The following ZNF804B variants were observed in gnomAD, a reference collection of about 807,000 sequenced individuals.
The protein encoded by ZNF804B is zinc finger 804B.
ZNF804B carries 80 observed loss-of-function variants against 101.4 expected under a neutral mutation model. The ratio of observed to expected loss-of-function variants is 0.79; its 90% CI spans 0.66 to 0.95. The LOEUF is 0.95. Among genes scored for constraint, ZNF804B ranks in the 40% least tolerant of loss-of-function variants. ZNF804B has a pLI of 0.00. For synonymous variants in ZNF804B, 622 were observed against 558.8 expected (o/e 1.11, Z -1.59); for missense variants, 1,673 against 1,561.9 (o/e 1.07, Z -1.20).
intron 1 of ZNF804B, among the ~76,000 whole-genome samples, chr7:88,876,998 GA>G (rs1161171786): frequency 0.026 from 1,415 of 53,864 alleles, 83 homozygotes; most frequent in African/African-American, 0.11. Context: ...GAGAATATTT[GA>G]AAAAAAAAAT....
Position 89,271,072 on chromosome 7 carries a change from T to C in ZNF804B, c.249+52777T>C, listed in dbSNP as rs1186830260. On this transcript the variant is annotated intron_variant, in intron 2 of 3. Coordinates refer to ENST00000333190, the MANE Select transcript of ZNF804B (RefSeq NM_181646.5). ...ATACCCTTTATTTCTTTCTCCTGCC[T>C]GATTGTCCTGGCTAGAACTTCCAAC... 2.6e-5 allele frequency among the ~76,000 whole-genome samples: 4 copies of C among 152,310 alleles called. No homozygotes were observed. The East Asian group carries it at 7.7e-4, about 29-fold the overall frequency.
intron 1 of ZNF804B, among the ~76,000 whole-genome samples, chr7:88,813,521 GT>G (rs1790825580): frequency 6.6e-6 from 1 of 151,636 alleles, no homozygotes; most frequent in Non-Finnish European, 1.5e-5. Flanking sequence ...GTAGACTAAG[GT>G]TTCTTACTGT....
At chr7:89,164,144 C>A (rs1252862557) in intron 1 of ZNF804B, among the ~76,000 whole-genome samples, 1 of 151,742 alleles carries the variant, frequency 6.6e-6, no homozygotes, top group Admixed American at 6.6e-5. Context: ...ACTACATATT[C>A]TACTATAGAA....
intron 1 of ZNF804B, among the ~76,000 whole-genome samples, chr7:88,922,528 T>G (rs918695537): frequency 6.6e-6 from 1 of 152,018 alleles, no homozygotes; most frequent in African/African-American, 2.4e-5. Flanking sequence ...TTAAAGGATA[T>G]TTATGTACTA....
At chr7:88,917,195 G>A (rs1792644864) in intron 1 of ZNF804B, among the ~76,000 whole-genome samples, 1 of 152,010 alleles carries the variant, frequency 6.6e-6, no homozygotes, top group African/African-American at 2.4e-5. Flanking sequence ...AACCCAGGAG[G>A]CGGAGGTTGC....
intron 1 of ZNF804B, among the ~76,000 whole-genome samples, chr7:89,037,678 A>G (rs1179470597): frequency 6.6e-6 from 1 of 151,584 alleles, no homozygotes; most frequent in Non-Finnish European, 1.5e-5. Flanking sequence ...TTTAAGTTCT[A>G]CTCTCTTTGT....
At chr7:89,271,942 T>C (rs2115841196) in intron 2 of ZNF804B, among the ~76,000 whole-genome samples, 1 of 152,210 alleles carries the variant, frequency 6.6e-6, no homozygotes, top group East Asian at 1.9e-4. Context: ...TGATTTATTT[T>C]TCTACATGAA....
At chr7:89,054,290 T>A (rs2188247) in intron 1 of ZNF804B, among the ~76,000 whole-genome samples, 17,334 of 147,710 alleles carry the variant, frequency 0.12, 1,474 homozygotes, top group East Asian at 0.28. Context: ...TACTTATATA[T>A]AATATAAATA....
At chr7:89,062,398 A>G (rs755880008) in intron 1 of ZNF804B, among the ~76,000 whole-genome samples, 3 of 151,968 alleles carry the variant, frequency 2.0e-5, no homozygotes, top group Non-Finnish European at 4.4e-5. Context: ...AGCAATATTG[A>G]CCTGACTTCT....
chr7:89,094,828 G>A (rs556876101), intron 1 of ZNF804B, among the ~76,000 whole-genome samples: 7 of 152,236 alleles, frequency 4.6e-5, no homozygotes, highest in African/African-American at 7.2e-5. Context: ...TTGCCTTACC[G>A]TGTCAGGATT....
chr7:89,054,767 A>G (rs1312890676), intron 1 of ZNF804B, among the ~76,000 whole-genome samples: 1 of 151,992 alleles, frequency 6.6e-6, no homozygotes, highest in East Asian at 1.9e-4. Flanking sequence ...TGGTTTACAA[A>G]AGGTGGATTT....
rs987046445 is a variant in ZNF804B at position 88,995,326 on chromosome 7, A to G, written c.109-222829A>G. ...GAAACTTAAGTGATAAACAATATAT[A>G]TGATATTAGCAGAGCATATAATAGA... On this transcript the variant is annotated intron_variant, in intron 1 of 3. Transcript: ENST00000333190. Among the ~76,000 whole-genome samples the G allele has an allele frequency of 4.6e-5, 7 of 152,182 alleles. No individual in the cohort carries two copies. The East Asian group carries it at 1.2e-3, about 25-fold the overall frequency.
At chr7:89,253,330 A>G (rs1242453642) in intron 2 of ZNF804B, among the ~76,000 whole-genome samples, 1 of 152,162 alleles carries the variant, frequency 6.6e-6, no homozygotes, top group Non-Finnish European at 1.5e-5. Context: ...CAATTTTTAT[A>G]AACTAAAAAC....
intron 2 of ZNF804B, among the ~76,000 whole-genome samples, chr7:89,294,932 A>C (rs1288988763): frequency 6.6e-6 from 1 of 152,116 alleles, no homozygotes; most frequent in African/African-American, 2.4e-5. Context: ...TAAGGACATT[A>C]ATTATAATAT....
chr7:89,204,193 T>C (rs532436185), intron 1 of ZNF804B, among the ~76,000 whole-genome samples: 302 of 152,354 alleles, frequency 2.0e-3, no homozygotes, highest in African/African-American at 7.1e-3. Context: ...AAATGTCAGA[T>C]GCTATTAATT....
At chr7:88,926,948 G>GGGGA (rs1402995931) in intron 1 of ZNF804B, among the ~76,000 whole-genome samples, 1 of 142,780 alleles carries the variant, frequency 7.0e-6, no homozygotes, top group East Asian at 2.2e-4. Flanking sequence ...GGGAGCGGGG[G>GGGGA]GAAAGCTGTT....
At chr7:88,940,809 G>A (rs982754003) in intron 1 of ZNF804B, among the ~76,000 whole-genome samples, 1 of 97,318 alleles carries the variant, frequency 1.0e-5, no homozygotes, top group African/African-American at 3.5e-5. Context: ...AATAATAATA[G>A]AATGTATCTC....
intron 1 of ZNF804B, among the ~76,000 whole-genome samples, chr7:88,999,821 C>T (rs904800437): frequency 1.3e-5 from 2 of 151,726 alleles, no homozygotes; most frequent in Non-Finnish European, 2.9e-5. Context: ...CTAAATAAAA[C>T]ATTTATTTCC....
chr7:88,837,544 T>A (rs1791232097), intron 1 of ZNF804B, among the ~76,000 whole-genome samples: 1 of 151,862 alleles, frequency 6.6e-6, no homozygotes, highest in African/African-American at 2.4e-5. Flanking sequence ...ATTTAAAGAG[T>A]GGAATATACA....
Sources: allele counts gnomAD v4.1 joint callset (sites outside exome capture counted in the v4.1 genomes callset), GRCh38; gene constraint gnomAD v4.1.1; transcripts MANE v1.5; gene names NCBI Gene and HGNC (gene_info 2026-07-23, HGNC 2026-07-21).